SORCS3: variants seen among roughly 807,000 people sequenced by gnomAD.
The protein encoded by SORCS3 is VPS10 domain-containing receptor SorCS3.
SORCS3 carries 57 observed loss-of-function variants against 146.3 expected under a neutral mutation model. That is an observed-to-expected ratio of 0.39 (90% CI 0.31 to 0.49). SORCS3 has a LOEUF of 0.49. SORCS3 is among the 20% of genes least tolerant of loss of function. The pLI is 0.92. For missense variants in SORCS3, 1,341 were observed against 1,575.5 expected, an observed-to-expected ratio of 0.85 and a Z score of 2.52; for synonymous variants, 653 against 618.5, an observed-to-expected ratio of 1.06 and a Z score of -0.83.
At chr10:104,725,252 G>T (rs963011428) in intron 1 of SORCS3, among the ~76,000 whole-genome samples, 1 of 152,220 alleles carries the variant, frequency 6.6e-6, no homozygotes, top group Non-Finnish European at 1.5e-5. Context: ...TCCAGACCCT[G>T]TTTGCCTGGG....
At chr10:105,160,575 C>A (rs1024180422) in intron 11 of SORCS3, among the ~76,000 whole-genome samples, 1 of 152,090 alleles carries the variant, frequency 6.6e-6, no homozygotes, top group Non-Finnish European at 1.5e-5. Context: ...TGCAGTGAGC[C>A]AAGGTGGTGC....
chr10:104,862,766 C>G (rs1241526671), intron 2 of SORCS3, among the ~76,000 whole-genome samples: 1 of 152,016 alleles, frequency 6.6e-6, no homozygotes, highest in African/African-American at 2.4e-5. Context: ...TACCTGTTAT[C>G]ATAGTATTGT....
At chr10:105,062,468 C>T (rs2055494324) in intron 5 of SORCS3, among the ~76,000 whole-genome samples, 2 of 152,158 alleles carry the variant, frequency 1.3e-5, no homozygotes, top group Admixed American at 1.3e-4. Flanking sequence ...ACTGTTCTTT[C>T]TGGGTTCAAA....
At chr10:104,926,374 A>T (rs1438888833) in intron 3 of SORCS3, among the ~76,000 whole-genome samples, 1 of 152,222 alleles carries the variant, frequency 6.6e-6, no homozygotes, top group African/African-American at 2.4e-5. Flanking sequence ...CCAAGCGGCT[A>T]GAGCAGTGTT....
intron 5 of SORCS3, among the ~76,000 whole-genome samples, chr10:105,078,552 G>A (rs540519366): frequency 3.9e-5 from 6 of 152,090 alleles, no homozygotes; most frequent in Non-Finnish European, 7.4e-5. Context: ...CTATCTCAAA[G>A]TTTGTTTAAA....
chr10:104,966,542 G>T (rs1239293740), intron 3 of SORCS3, among the ~76,000 whole-genome samples: 1 of 152,080 alleles, frequency 6.6e-6, no homozygotes, highest in African/African-American at 2.4e-5. Context: ...CTGAGAACGT[G>T]CCCAAAACAT....
At chr10:104,746,111 A>G (rs2016905803) in intron 1 of SORCS3, among the ~76,000 whole-genome samples, 1 of 151,172 alleles carries the variant, frequency 6.6e-6, no homozygotes, top group Non-Finnish European at 1.5e-5. Flanking sequence ...ATTTATGGGT[A>G]TGATGTGTTG....
intron 4 of SORCS3, among the ~76,000 whole-genome samples, chr10:105,015,817 C>A (rs1454080004): frequency 6.6e-6 from 1 of 152,004 alleles, no homozygotes; most frequent in African/African-American, 2.4e-5. Context: ...ACAACCTCCA[C>A]CTCCCGGGTT....
chr10:104,837,274 A>G (rs937724412), intron 1 of SORCS3, among the ~76,000 whole-genome samples: 2 of 152,236 alleles, frequency 1.3e-5, no homozygotes, highest in African/African-American at 4.8e-5. Context: ...GACAGAAGCT[A>G]TAAGAGATGT....
At chr10:104,942,951 A>T (rs907295588) in intron 3 of SORCS3, among the ~76,000 whole-genome samples, 1 of 152,218 alleles carries the variant, frequency 6.6e-6, no homozygotes, top group Non-Finnish European at 1.5e-5. Context: ...AGTCAGTGCA[A>T]AATGCAAGAA....
chr10:104,995,164 C>CG lies in SORCS3; in HGVS notation c.954+17671_954+17672insG, dbSNP rs796897533. 3.6e-5 allele frequency among the ~76,000 whole-genome samples: 5 copies of CG among 137,334 alleles called. No individual in the cohort carries two copies. The East Asian group carries it at 1.0e-3, about 29-fold the overall frequency. 90.1% of individuals were successfully genotyped at this position (137,334 alleles called of 152,430 possible). On this transcript the variant is annotated intron_variant, in intron 4 of 26. Transcript: ENST00000369701. ...TCTTTTCTTTTCTTTCTTTCTTTCT[C>CG]TTTTTTTTTTTTTGGGATGGAGTCT...
At chr10:105,177,951 A>G (rs1449954874) in intron 13 of SORCS3, 115 bp from the exon 14 acceptor site, 4 of 719,586 alleles carry the variant, frequency 5.6e-6, no homozygotes, top group Middle Eastern at 2.3e-4. Flanking sequence ...CCTATTGATA[A>G]TCCACACTGC....
chr10:105,162,915 C>T (rs937044115), intron 11 of SORCS3, among the ~76,000 whole-genome samples: 2 of 152,154 alleles, frequency 1.3e-5, no homozygotes, highest in African/African-American at 4.8e-5. Flanking sequence ...CCAAAGAATC[C>T]TTCTTAACAC....
intron 9 of SORCS3, among the ~76,000 whole-genome samples, chr10:105,155,498 G>T (rs774918735): frequency 9.9e-5 from 15 of 152,220 alleles, no homozygotes; most frequent in Non-Finnish European, 1.2e-4. Context: ...TGGCTAAACA[G>T]AACACTGAAA....
At chr10:105,097,357 A>G (rs1437955400) in intron 6 of SORCS3, among the ~76,000 whole-genome samples, 2 of 152,240 alleles carry the variant, frequency 1.3e-5, no homozygotes, top group Admixed American at 1.3e-4. Flanking sequence ...CATGAGATTC[A>G]GGATTCAAAT....
At chr10:104,788,339 T>C (rs1386754549) in intron 1 of SORCS3, among the ~76,000 whole-genome samples, 1 of 152,204 alleles carries the variant, frequency 6.6e-6, no homozygotes, top group Non-Finnish European at 1.5e-5. Context: ...TGGAATACTA[T>C]GCAGCTGTGA....
intron 19 of SORCS3, among the ~76,000 whole-genome samples, chr10:105,222,781 A>G (rs1005086494): frequency 6.6e-6 from 1 of 152,182 alleles, no homozygotes; most frequent in Non-Finnish European, 1.5e-5. Context: ...TCAATAACAA[A>G]ATAGACTGCT....
chr10:105,057,497 C>A (rs1044167956), intron 5 of SORCS3, among the ~76,000 whole-genome samples: 2 of 152,060 alleles, frequency 1.3e-5, no homozygotes, highest in African/African-American at 4.8e-5. Flanking sequence ...GCTAAACTAC[C>A]CAAACCATTG....
Position 105,184,177 on chromosome 10 carries a change from G to A in SORCS3, c.2009+6004G>A, listed in dbSNP as rs187946398. Among the ~76,000 whole-genome samples the A allele has an allele frequency of 1.8e-3, 267 of 152,306 alleles. 10 individuals carry two copies. The South Asian group carries it at 0.048, about 27-fold the overall frequency. On this transcript the variant is annotated intron_variant, in intron 14 of 26. Transcript: ENST00000369701. ...AAGGGCCACACAGTAAAGATTTTAGGCTTTGCTGGCCATAGGGCTTTTGTT... is the reference window on the plus strand; with the variant it reads ...AAGGGCCACACAGTAAAGATTTTAGACTTTGCTGGCCATAGGGCTTTTGTT...
Sources: gnomAD v4.1 joint callset for allele counts (sites outside exome capture counted in the v4.1 genomes callset) on GRCh38, gnomAD v4.1.1 for gene constraint, MANE v1.5 for transcripts, NCBI Gene and HGNC (gene_info 2026-07-23, HGNC 2026-07-21) for gene names.